MAGI3: variants seen among roughly 807,000 people sequenced by gnomAD.
MAGI3 encodes membrane associated guanylate kinase, WW and PDZ domain containing 3, also known as membrane-associated guanylate kinase, WW and PDZ domain-containing protein 3.
MAGI3 carries 43 observed loss-of-function variants against 121.8 expected under a neutral mutation model. The ratio of observed to expected loss-of-function variants is 0.35; its 90% CI spans 0.28 to 0.46. MAGI3 has a LOEUF of 0.46. Ranked by LOEUF, MAGI3 falls within the 20% of genes least tolerant of loss-of-function variation. The pLI, the probability that MAGI3 is intolerant of heterozygous loss-of-function variation, is 1.00. For synonymous variants in MAGI3, 553 were observed against 639.3 expected, an observed-to-expected ratio of 0.86 and a Z score of 2.04; for missense variants, 1,547 against 1,797.3, an observed-to-expected ratio of 0.86 and a Z score of 2.52.
At chr1:113,527,212 G>C (rs545231243) in intron 1 of MAGI3, among the ~76,000 whole-genome samples, 9 of 152,198 alleles carry the variant, frequency 5.9e-5, no homozygotes, top group Middle Eastern at 3.4e-3. Flanking sequence ...TGGCAGTTGA[G>C]GTGAATTGTG....
intron 2 of MAGI3, among the ~76,000 whole-genome samples, chr1:113,562,079 AAGG>A (rs1660260974): frequency 6.6e-6 from 1 of 152,252 alleles, no homozygotes. Flanking sequence ...TGACCTCTTC[AAGG>A]AGAACTACAA....
intron 20 of MAGI3, chr1:113,682,243 G>C: frequency 6.2e-7 from 1 of 1,608,618 alleles, no homozygotes. Context: ...GCTCCTACGT[G>C]AAACCCGAGC....
intron 6 of MAGI3, among the ~76,000 whole-genome samples, chr1:113,595,351 A>G (rs879665345): frequency 3.3e-5 from 5 of 152,146 alleles, no homozygotes; most frequent in East Asian, 1.9e-4. Flanking sequence ...AGTTTTGTAA[A>G]TAAGTATAGA....
At chr1:113,580,345 G>A (rs145409574) in intron 2 of MAGI3, among the ~76,000 whole-genome samples, 197 bp from the exon 3 acceptor site, 274 of 152,014 alleles carry the variant, frequency 1.8e-3, no homozygotes, top group African/African-American at 6.5e-3. Context: ...TCTTTCACCA[G>A]GTGTGCACAT....
intron 1 of MAGI3, among the ~76,000 whole-genome samples, chr1:113,447,370 T>C (rs1226393651): frequency 1.3e-5 from 2 of 152,194 alleles, no homozygotes; most frequent in East Asian, 3.8e-4. Flanking sequence ...ATCAAATTCA[T>C]TTTTTATGAG....
At chr1:113,514,033 A>G (rs1382239943) in intron 1 of MAGI3, among the ~76,000 whole-genome samples, 1 of 152,074 alleles carries the variant, frequency 6.6e-6, no homozygotes, top group Non-Finnish European at 1.5e-5. Context: ...AATGCTCATC[A>G]TCACTGGCCA....
At chr1:113,606,096 G>A (rs2101761619) in intron 6 of MAGI3, among the ~76,000 whole-genome samples, 1 of 152,126 alleles carries the variant, frequency 6.6e-6, no homozygotes, top group East Asian at 1.9e-4. Context: ...CTCCCCAGTA[G>A]CTAGGACTAC....
At chr1:113,437,616 TA>T (rs1162708522) in intron 1 of MAGI3, among the ~76,000 whole-genome samples, 1 of 152,140 alleles carries the variant, frequency 6.6e-6, no homozygotes, top group African/African-American at 2.4e-5. Flanking sequence ...AATAATACAT[TA>T]TTTTTAAACT....
chr1:113,413,943 C>G (rs980758071), intron 1 of MAGI3, among the ~76,000 whole-genome samples: 44 of 152,252 alleles, frequency 2.9e-4, no homozygotes, highest in South Asian at 1.9e-3. Flanking sequence ...GAGAGGGCAT[C>G]CCTGTCTTGT....
At chr1:113,559,503 A>G (rs891642360) in intron 2 of MAGI3, among the ~76,000 whole-genome samples, 2 of 152,202 alleles carry the variant, frequency 1.3e-5, no homozygotes, top group African/African-American at 4.8e-5. Flanking sequence ...CAATTCAACA[A>G]TAAGAGCCAA....
At chr1:113,637,626 T>A (rs947671557) in intron 9 of MAGI3, among the ~76,000 whole-genome samples, 1 of 152,228 alleles carries the variant, frequency 6.6e-6, no homozygotes, top group Admixed American at 6.5e-5. Context: ...CTTCCCTTTG[T>A]GGGTAACCCG....
intron 1 of MAGI3, among the ~76,000 whole-genome samples, chr1:113,532,510 CTTT>C (rs1048796444): frequency 1.6e-4 from 25 of 152,108 alleles, no homozygotes; most frequent in African/African-American, 5.8e-4. Context: ...TCACTAACAG[CTTT>C]TTAATTGTCA....
intron 1 of MAGI3, among the ~76,000 whole-genome samples, chr1:113,545,939 A>G (rs1659515882): frequency 6.6e-6 from 1 of 151,892 alleles, no homozygotes. Flanking sequence ...ATCCCTAAAC[A>G]AAAGGCAGAT....
chr1:113,683,589 G>A lies in MAGI3; in HGVS notation c.4021G>A (p.Ala1341Thr). 1 of 1,613,894 alleles carries A rather than the reference G, an allele frequency of 6.2e-7. No individual in the cohort carries two copies. The highest frequency in any genetic ancestry group is 8.5e-7 in the Non-Finnish European group (1 of 1,179,900). ...KEKSDVIRKD[A>T]KQNQLEKSRT... is the part of the protein sequence containing the mutation. The stretch of plus-strand genomic sequence containing the variant: ...AAAATCAGACGTCATCAGGAAAGAT[G>A]CAAAGCAGAATCAGTTGGAAAAAAG... Residue 1341 changes from alanine to threonine, a missense_variant, in exon 21 of 21, where the codon GCA (alanine) becomes ACA (threonine). By Grantham distance (58) the Ala-to-Thr change is moderately conservative. Transcript: ENST00000307546.
intron 9 of MAGI3, among the ~76,000 whole-genome samples, chr1:113,638,638 C>G (rs190975798): frequency 0.015 from 2,350 of 152,322 alleles, 29 homozygotes; most frequent in South Asian, 0.024. Flanking sequence ...CAGTCTGCCC[C>G]TACTGGGGGG....
At position 113,683,591 on chromosome 1, in the gene MAGI3, A is replaced by C; in HGVS notation, c.4023A>C (p.Ala1341=). The part of the protein sequence containing the change: ...KEKSDVIRKD[A]KQNQLEKSRT... ...AATCAGACGTCATCAGGAAAGATGC[A>C]AAGCAGAATCAGTTGGAAAAAAGCA... is the stretch of plus-strand genomic sequence containing the variant. Residue 1341 remains alanine (A), a synonymous_variant, in exon 21 of 21, where the codon GCA becomes GCC. Transcript: ENST00000307546. The C allele has an allele frequency of 6.2e-7, 1 of 1,613,960 alleles. No individual in the cohort carries two copies.
intron 9 of MAGI3, among the ~76,000 whole-genome samples, chr1:113,623,496 ATT>A (rs56058691): frequency 2.2e-5 from 1 of 45,442 alleles, no homozygotes; most frequent in African/African-American, 8.1e-5. Flanking sequence ...ACATATATAT[ATT>A]TTTTTTTGAG....
intron 19 of MAGI3, among the ~76,000 whole-genome samples, chr1:113,679,332 T>C (rs2101034927): frequency 6.6e-6 from 1 of 152,314 alleles, no homozygotes; most frequent in South Asian, 2.1e-4. Flanking sequence ...TAGCTCCCAA[T>C]TACAATTGAG....
rs192007445 is a variant in MAGI3 at position 113,573,498 on chromosome 1, T to C, written c.434-7044T>C. On this transcript the variant is annotated intron_variant, in intron 2 of 20. Coordinates refer to ENST00000307546, the MANE Select transcript of MAGI3 (RefSeq NM_001142782.2). ...AGGTTTTTCAGTTTCTAAGTAGTTG[T>C]GCAGTTTTGGGTGAGTTTCTTAATC... Among the ~76,000 whole-genome samples the C allele has an allele frequency of 4.4e-3, 664 of 152,282 alleles. 7 individuals carry two copies. The highest frequency in any genetic ancestry group is 0.015 in the African/African-American group (632 of 41,572).
Sources: allele counts gnomAD v4.1 joint callset (sites outside exome capture counted in the v4.1 genomes callset), GRCh38; gene constraint gnomAD v4.1.1; transcripts MANE v1.5; gene names NCBI Gene and HGNC (gene_info 2026-07-23, HGNC 2026-07-21).